The following GRIA3 variants were observed in gnomAD, a reference collection of about 807,000 sequenced individuals.
GRIA3 encodes the protein glutamate ionotropic receptor AMPA type subunit 3.
Under a neutral mutation model 63.0 loss-of-function variants are expected in GRIA3, and 3 were observed. The ratio of observed to expected loss-of-function variants is 0.05; its 90% confidence interval spans 0.02 to 0.12. The LOEUF is 0.12. Among genes scored for constraint, GRIA3 ranks in the 10% least tolerant of loss-of-function variants. GRIA3 has a pLI of 1.00. For missense variants in GRIA3, 347 were observed against 700.9 expected, an observed-to-expected ratio of 0.50 and a Z score of 5.70; for synonymous variants, 274 against 257.9, an observed-to-expected ratio of 1.06 and a Z score of -0.60.
chrX:123,429,498 G>A (rs1009012482), intron 12 of GRIA3, among the ~76,000 whole-genome samples: 1 of 111,603 alleles, frequency 9.0e-6, no homozygotes, highest in Non-Finnish European at 1.9e-5. Flanking sequence ...AACTAATCTG[G>A]CCTTGACCCT....
intron 2 of GRIA3, among the ~76,000 whole-genome samples, chrX:123,206,894 T>C (rs1927903224): frequency 8.9e-6 from 1 of 112,235 alleles, no homozygotes; most frequent in Non-Finnish European, 1.9e-5. Flanking sequence ...CATGTAGTTA[T>C]TGAAATCTCT....
chrX:123,416,899 A>G lies in GRIA3; in HGVS notation c.1501-503A>G, dbSNP rs183637118. Among the ~76,000 whole-genome samples the G allele has an allele frequency of 5.5e-3, 621 of 112,737 alleles. 3 individuals carry two copies. The highest frequency in any genetic ancestry group is 0.019 in the African/African-American group (582 of 31,083). ...GCTTTCAAAAAAATTCAAGAATAAC[A>G]TAAGACAGCAAACACCTAAGAATTA... On this transcript the variant is annotated intron_variant, in intron 10 of 15. Transcript: ENST00000620443.
At chrX:123,436,455 G>A (rs1466110168) in intron 12 of GRIA3, among the ~76,000 whole-genome samples, 3 of 111,690 alleles carry the variant, frequency 2.7e-5, no homozygotes, top group African/African-American at 9.8e-5. Flanking sequence ...TTCATCTTTA[G>A]CTATTCCTTT....
At chrX:123,457,940 G>T in intron 12 of GRIA3, among the ~76,000 whole-genome samples, 1 of 111,244 alleles carries the variant, frequency 9.0e-6, no homozygotes. Context: ...AAATGAAAAG[G>T]TATCTAGAAG....
intron 5 of GRIA3, among the ~76,000 whole-genome samples, chrX:123,381,312 A>G (rs2045322800): frequency 9.0e-6 from 1 of 111,231 alleles, no homozygotes; most frequent in Non-Finnish European, 1.9e-5. Flanking sequence ...CAGCTCCTCT[A>G]CCTTAGCCCA....
chrX:123,275,773 C>T (rs1433386323), intron 3 of GRIA3, among the ~76,000 whole-genome samples: 2 of 111,895 alleles, frequency 1.8e-5, no homozygotes, highest in Non-Finnish European at 3.8e-5. Flanking sequence ...TCTTAGTTAT[C>T]CTTTAAGACA....
chrX:123,485,412 T>C (rs903685623), intron 15 of GRIA3, among the ~76,000 whole-genome samples: 2 of 111,840 alleles, frequency 1.8e-5, no homozygotes, highest in Non-Finnish European at 3.8e-5. Context: ...AGTTAGGTAG[T>C]GGCAGTTCTG....
In GRIA3 at chrX:123,326,381, A is replaced by AG. The variant is rs2044904540; in HGVS notation, c.696+168_696+169insG. On this transcript the variant is annotated intron_variant, in intron 4 of 15. Coordinates refer to ENST00000620443, the MANE Select transcript of GRIA3 (RefSeq NM_007325.5). Reference sequence around the variant, plus strand: ...CCCAGTGGCTGCAGAAAAAAAAAAAAAAAAAGAAAGAAAGAAAAGAGAAGA... The same window carrying AG: ...CCCAGTGGCTGCAGAAAAAAAAAAAAGAAAAAGAAAGAAAGAAAAGAGAAGA... Among the ~76,000 whole-genome samples the AG allele has an allele frequency of 4.5e-5, 5 of 110,545 alleles. No individual in the cohort carries two copies. In the Admixed American group the frequency reaches 4.8e-4, roughly 11 times the overall value.
At chrX:123,285,577 C>CAAAAAAAA (rs59101106) in intron 3 of GRIA3, among the ~76,000 whole-genome samples, 1 of 10,171 alleles carries the variant, frequency 9.8e-5, no homozygotes, top group Non-Finnish European at 1.6e-4. Flanking sequence ...AAATGAAAAG[C>CAAAAAAAA]AAAAAAAAAA....
At chrX:123,426,348 T>G (rs2045589447) in intron 11 of GRIA3, among the ~76,000 whole-genome samples, 1 of 112,036 alleles carries the variant, frequency 8.9e-6, no homozygotes, top group Admixed American at 9.5e-5. Flanking sequence ...TCCCTCACAC[T>G]GTCCAATAAC....
intron 12 of GRIA3, among the ~76,000 whole-genome samples, chrX:123,448,650 G>T (rs1218004509): frequency 9.0e-6 from 1 of 111,510 alleles, no homozygotes; most frequent in African/African-American, 3.3e-5. Flanking sequence ...TCAGTATTTC[G>T]GTAGCACTAG....
intron 4 of GRIA3, among the ~76,000 whole-genome samples, chrX:123,332,877 T>G (rs1176909616): frequency 9.0e-6 from 1 of 111,669 alleles, no homozygotes; most frequent in Non-Finnish European, 1.9e-5. Flanking sequence ...TTTTCTATAC[T>G]TAGGATTCTA....
At chrX:123,407,322 G>A (rs1219609370) in intron 10 of GRIA3, among the ~76,000 whole-genome samples, 1 of 111,542 alleles carries the variant, frequency 9.0e-6, no homozygotes, top group Non-Finnish European at 1.9e-5. Context: ...GAGAGGTGAA[G>A]TCACATGCTA....
At chrX:123,334,291 G>T (rs2055096934) in intron 4 of GRIA3, among the ~76,000 whole-genome samples, 1 of 111,051 alleles carries the variant, frequency 9.0e-6, no homozygotes, top group Non-Finnish European at 1.9e-5. Flanking sequence ...TAAATGCAAA[G>T]ATATTTATCC....
intron 12 of GRIA3, among the ~76,000 whole-genome samples, chrX:123,441,993 T>C (rs2045676712): frequency 8.9e-6 from 1 of 112,435 alleles, no homozygotes; most frequent in Admixed American, 9.4e-5. Context: ...AACAGGAAGG[T>C]TGGGAACACC....
At chrX:123,241,388 TG>T (rs2044329041) in intron 2 of GRIA3, among the ~76,000 whole-genome samples, 1 of 111,985 alleles carries the variant, frequency 8.9e-6, no homozygotes, top group African/African-American at 3.2e-5. Context: ...TTAATATACC[TG>T]GGATATAATT....
At chrX:123,356,540 A>G (rs747807677) in intron 5 of GRIA3, among the ~76,000 whole-genome samples, 1 of 112,252 alleles carries the variant, frequency 8.9e-6, no homozygotes. Context: ...TAAAACTAGC[A>G]TATCAAAATT....
chrX:123,346,622 C>T (rs759809724), intron 4 of GRIA3, among the ~76,000 whole-genome samples: 1 of 112,548 alleles, frequency 8.9e-6, no homozygotes, highest in South Asian at 3.7e-4. Flanking sequence ...AGACAAAGTA[C>T]TTTCTATCTA....
At chrX:123,212,858 A>C (rs771263401) in intron 2 of GRIA3, among the ~76,000 whole-genome samples, 2 of 111,917 alleles carry the variant, frequency 1.8e-5, no homozygotes, top group South Asian at 3.8e-4. Flanking sequence ...TGTTAGCTCC[A>C]ATTTACAAAC....
Sources: gnomAD v4.1 joint callset for allele counts (sites outside exome capture counted in the v4.1 genomes callset) on GRCh38, gnomAD v4.1.1 for gene constraint, MANE v1.5 for transcripts, NCBI Gene and HGNC (gene_info 2026-07-23, HGNC 2026-07-21) for gene names.